Variants in IQSEC2 observed in about 807,000 individuals in gnomAD.
IQSEC2 encodes the protein IQ motif and Sec7 domain ArfGEF 2, also known as IQ motif and SEC7 domain-containing protein 2.
Under a neutral mutation model 74.6 loss-of-function variants are expected in IQSEC2, and 6 were observed. That is an observed-to-expected ratio of 0.08 (90% CI 0.04 to 0.16). The LOEUF (loss-of-function observed/expected upper bound fraction) is 0.16. IQSEC2 is among the 10% of genes least tolerant of loss of function. The pLI is 1.00. For missense variants in IQSEC2, 734 were observed against 1,306.2 expected (o/e 0.56, Z 6.75); for synonymous variants, 494 against 544.5 (o/e 0.91, Z 1.29).
chrX:53,244,535 A>AC (rs56692320), intron 8 of IQSEC2, among the ~76,000 whole-genome samples: 10,709 of 109,739 alleles, frequency 0.098, 510 homozygotes, highest in African/African-American at 0.17. Flanking sequence ...CAAAAAAAAA[A>AC]AAAAAAAACT....
At chrX:53,318,214 C>G (rs907155354) in intron 1 of IQSEC2, among the ~76,000 whole-genome samples, 3 of 112,310 alleles carry the variant, frequency 2.7e-5, no homozygotes, top group Non-Finnish European at 5.6e-5. Flanking sequence ...CCAACACTCA[C>G]TGCAGAAGGC....
intron 2 of IQSEC2, among the ~76,000 whole-genome samples, chrX:53,260,328 G>A (rs916817515): frequency 2.7e-5 from 3 of 111,814 alleles, no homozygotes; most frequent in Non-Finnish European, 5.6e-5. Context: ...GAGAAACAGT[G>A]AAGAGGCCAG....
intron 2 of IQSEC2, among the ~76,000 whole-genome samples, chrX:53,271,484 T>C (rs1292199535): frequency 3.6e-5 from 4 of 111,616 alleles, no homozygotes; most frequent in African/African-American, 1.3e-4. Flanking sequence ...CTTTGACTCA[T>C]CCTCGCCTCT....
rs781889325 is a variant in IQSEC2 at position 53,243,475 on chromosome X, G to C, written c.2750-4C>G. 2 of 1,172,742 alleles carry C rather than the reference G, an allele frequency of 1.7e-6. No homozygotes were observed. Among genetic ancestry groups the C allele is most frequent in the South Asian group, 3.8e-5 (2 of 52,413 alleles). ...ATGTCTTCACCATTGTCAACCCCTG[G>C]GGGAGGGAGTAACACAGGGATATGT... On this transcript the variant is annotated splice_polypyrimidine_tract_variant and splice_region_variant and intron_variant, in intron 8 of 14. Coordinates refer to ENST00000642864, the MANE Select transcript of IQSEC2 (RefSeq NM_001111125.3).
At chrX:53,229,588 G>A (rs1556858130), downstream of IQSEC2, 1 of 110,239 alleles carries the variant, frequency 9.1e-6, no homozygotes, top group Non-Finnish European at 1.9e-5. Context: ...TGTGGTCCCA[G>A]CTACATGGAA....
At position 53,233,769 on chromosome X, in the gene IQSEC2, G is replaced by T. The variant is rs971433727; in HGVS notation, c.*450C>A. On this transcript the variant is annotated 3_prime_UTR_variant, in exon 15 of 15. Coordinates refer to ENST00000642864, the MANE Select transcript of IQSEC2 (RefSeq NM_001111125.3). ...AAGTTTGGCCACAACTCTACAGAGC[G>T]CTCTCCTAGCCCCACACGGCCAGAG... The T allele has an allele frequency of 6.8e-6, 2 of 294,491 alleles. No individual in the cohort carries two copies. The highest frequency in any genetic ancestry group is 5.5e-5 in the African/African-American group (2 of 36,423). The allele number at this position is 294,491 out of a possible 1,213,427, so 24.3% of individuals were successfully genotyped here.
rs2074086934 is a variant in IQSEC2 at position 53,234,027 on chromosome X, G to A, written c.*192C>T. On this transcript the variant is annotated 3_prime_UTR_variant, in exon 15 of 15. Coordinates refer to ENST00000642864, the MANE Select transcript of IQSEC2 (RefSeq NM_001111125.3). Reference sequence around the variant, plus strand: ...CAGGCTTCAAGTGGCAAGGATCCTCGAATCTGGAAGGAAACCCCATGGCAA... The same window carrying A: ...CAGGCTTCAAGTGGCAAGGATCCTCAAATCTGGAAGGAAACCCCATGGCAA... The A allele has an allele frequency of 1.3e-5, 4 of 306,913 alleles. No individual in the cohort carries two copies. Among genetic ancestry groups the A allele is most frequent in the Admixed American group, 6.0e-5 (1 of 16,792 alleles). The allele number at this position is 306,913 out of a possible 1,213,427, so 25.3% of individuals were successfully genotyped here.
chrX:53,267,130 G>C (rs1446540154), intron 2 of IQSEC2: 1 of 1,115,306 alleles, frequency 9.0e-7, no homozygotes, highest in Non-Finnish European at 1.2e-6. Flanking sequence ...AGAGGCATTA[G>C]TTTGCAGAGC....
chrX:53,242,050 C>G, intron 9 of IQSEC2, 141 bp from the exon 10 acceptor site: 2 of 716,869 alleles, frequency 2.8e-6, no homozygotes, highest in Non-Finnish European at 4.2e-6. Context: ...GCAACTAAGA[C>G]CTAAACTTAT....
intron 1 of IQSEC2, among the ~76,000 whole-genome samples, chrX:53,306,635 C>T (rs182907577): frequency 9.0e-6 from 1 of 111,501 alleles, no homozygotes; most frequent in Non-Finnish European, 1.9e-5. Flanking sequence ...CCTTAGTTTC[C>T]ACCTCAAGGG....
At chrX:53,279,245 C>G in intron 2 of IQSEC2, 1 of 253,072 alleles carries the variant, frequency 4.0e-6, no homozygotes, top group East Asian at 6.0e-5. Context: ...TGCCTAACTG[C>G]CCTTCCTCAG....
chrX:53,315,132 T>G (rs2075357792), intron 1 of IQSEC2, among the ~76,000 whole-genome samples: 2 of 112,274 alleles, frequency 1.8e-5, no homozygotes, highest in Non-Finnish European at 1.9e-5. Flanking sequence ...GGCTCATGCC[T>G]GTAATCCCAG....
At chrX:53,238,355 T>A in intron 11 of IQSEC2, 49 bp from the exon 12 acceptor site, 1 of 1,121,485 alleles carries the variant, frequency 8.9e-7, no homozygotes, top group Non-Finnish European at 1.2e-6. Flanking sequence ...TGGTGCAAGG[T>A]GGCTCATACA....
intron 2 of IQSEC2, among the ~76,000 whole-genome samples, chrX:53,285,888 G>A (rs1448174483): frequency 2.7e-5 from 3 of 112,627 alleles, no homozygotes; most frequent in Non-Finnish European, 5.6e-5. Flanking sequence ...TACTGGCACA[G>A]CTGATTCCTA....
At chrX:53,278,591 A>G (rs1388390191) in intron 2 of IQSEC2, among the ~76,000 whole-genome samples, 1 of 111,912 alleles carries the variant, frequency 8.9e-6, no homozygotes, top group African/African-American at 3.2e-5. Flanking sequence ...CTTGAGTGGA[A>G]TAATTAGTCC....
At chrX:53,245,381 T>C (rs2074286875) in intron 8 of IQSEC2, among the ~76,000 whole-genome samples, 1 of 104,033 alleles carries the variant, frequency 9.6e-6, no homozygotes, top group Admixed American at 1.1e-4. Context: ...TGAGCTCTGC[T>C]AGCACCACTG....
At chrX:53,252,624 C>T (rs969580267) in intron 4 of IQSEC2, among the ~76,000 whole-genome samples, 1 of 111,156 alleles carries the variant, frequency 9.0e-6, no homozygotes, top group Non-Finnish European at 1.9e-5. Context: ...CAGCCCCAGT[C>T]TAATCTTCAG....
intron 8 of IQSEC2, among the ~76,000 whole-genome samples, chrX:53,245,207 G>C (rs782147254): frequency 2.7e-5 from 3 of 110,275 alleles, no homozygotes; most frequent in African/African-American, 6.6e-5. Flanking sequence ...TTGGGAGGCC[G>C]AGTTGAGGCA....
chrX:53,272,668 T>C (rs2147210677), intron 2 of IQSEC2, among the ~76,000 whole-genome samples: 1 of 111,400 alleles, frequency 9.0e-6, no homozygotes, highest in East Asian at 2.8e-4. Context: ...CTACTTGGAA[T>C]CCCTTTCCCA....
Sources: allele counts gnomAD v4.1 joint callset (sites outside exome capture counted in the v4.1 genomes callset), GRCh38; gene constraint gnomAD v4.1.1; transcripts MANE v1.5; gene names NCBI Gene and HGNC (gene_info 2026-07-23, HGNC 2026-07-21).